The following SETX variants were observed in gnomAD, a reference collection of about 807,000 sequenced individuals.
SETX encodes helicase senataxin.
In SETX, 90 loss-of-function variants were observed where a neutral mutation model predicts 227.2. The observed-to-expected ratio is 0.40, with a 90% CI of 0.33 to 0.47. The LOEUF is 0.47. SETX is among the 20% of genes least tolerant of loss of function. SETX has a pLI of 0.91. For missense variants in SETX, 3,052 were observed against 3,181.5 expected, an observed-to-expected ratio of 0.96 and a Z score of 0.98; for synonymous variants, 1,210 against 1,113.2, an observed-to-expected ratio of 1.09 and a Z score of -1.73.
At chr9:132,330,571 A>G in intron 9 of SETX, 72 bp from the exon 10 acceptor site, 1 of 1,310,102 alleles carries the variant, frequency 7.6e-7, no homozygotes, top group Non-Finnish European at 1.1e-6. Context: ...CCAAGTCGTT[A>G]AGAAAAATAC....
At position 132,327,826 on chromosome 9, in the gene SETX, T is replaced by C. The variant is rs563309531; in HGVS notation, c.3772A>G (p.Asn1258Asp). 8.1e-6 allele frequency: 13 copies of C among 1,614,072 alleles called. No homozygotes were observed. In the South Asian group the frequency reaches 1.2e-4, roughly 15 times the overall value. ...GGAGTTGTTCTACAACTTAGGTAATTTGAACTTCTATTCTGTCCTTTTTTG... is the reference window on the plus strand; with the variant it reads ...GGAGTTGTTCTACAACTTAGGTAATCTGAACTTCTATTCTGTCCTTTTTTG... The part of the protein sequence containing the change: ...DAKKGQNRSS[N>D]YLSCRTTPAI... Residue 1258 changes from asparagine to aspartate, a missense_variant, in exon 10 of 26, where the codon AAT becomes GAT. Around this residue, in one of 10 missense-constraint regions of SETX, gnomAD observed 1,483 missense variants for 1,312.0 expected, o/e 1.13. Transcript: ENST00000224140.
At chr9:132,284,948 C>T (rs1369395624) in intron 18 of SETX, among the ~76,000 whole-genome samples, 1 of 151,858 alleles carries the variant, frequency 6.6e-6, no homozygotes, top group African/African-American at 2.4e-5. Context: ...GCGCGATCTC[C>T]ACTCACTGCA....
In SETX at chr9:132,329,382, C is replaced by A. The variant is rs36024203; in HGVS notation, c.2216G>T (p.Gly739Val). ...RNGPERGCDR[G>V]IIVSTRLLTD... ...CAACAAACGTGTTGATACTATTATT[C>A]CTCTGTCACATCCCCTTTCTGGACC... Residue 739 changes from glycine (G) to valine (V), a missense_variant, in exon 10 of 26, where the codon GGA becomes GTA. Gly to Val is a moderately radical substitution (Grantham distance 109). Coordinates refer to ENST00000224140, the MANE Select transcript of SETX (RefSeq NM_015046.7). The A allele has an allele frequency of 3.7e-6, 6 of 1,613,774 alleles. No individual in the cohort carries two copies. The African/African-American group carries it at 8.0e-5, about 22-fold the overall frequency.
chr9:132,298,368 G>GT, intron 12 of SETX, 56 bp from the exon 13 acceptor site: 1 of 1,343,228 alleles, frequency 7.4e-7, no homozygotes, highest in East Asian at 2.3e-5. Flanking sequence ...ATGCTGCCTA[G>GT]TTGTAAAGGT....
At chr9:132,269,500 T>C (rs1027857132) in intron 25 of SETX, 115 bp downstream of exon 25, 7 of 1,600,132 alleles carry the variant, frequency 4.4e-6, no homozygotes, top group Non-Finnish European at 5.1e-6. Context: ...CTGGAAAACA[T>C]AACAACCATT....
chr9:132,339,345 G>A (rs112536599), intron 5 of SETX, among the ~76,000 whole-genome samples: 2,266 of 152,142 alleles, frequency 0.015, 27 homozygotes, highest in Non-Finnish European at 0.025. Context: ...CATGGTGACC[G>A]AGGAAGGAGA....
chr9:132,281,379 A>C (rs1430184941), intron 20 of SETX, 88 bp downstream of exon 20: 1 of 867,862 alleles, frequency 1.2e-6, no homozygotes, highest in Non-Finnish European at 2.0e-6. Flanking sequence ...TTAAGAGGCC[A>C]ATCCAAGAAA....
intron 17 of SETX, among the ~76,000 whole-genome samples, chr9:132,287,690 A>C (rs1843995375): frequency 6.6e-6 from 1 of 152,126 alleles, no homozygotes; most frequent in African/African-American, 2.4e-5. Context: ...CTTTACAAAA[A>C]AGTTTTTAAA....
At chr9:132,275,857 T>C (rs552869725) in intron 22 of SETX, among the ~76,000 whole-genome samples, 2 of 152,302 alleles carry the variant, frequency 1.3e-5, no homozygotes, top group Admixed American at 1.3e-4. Flanking sequence ...TGATCTTCCT[T>C]GTCCCTCACC....
Position 132,336,396 on chromosome 9 carries a change from C to G in SETX, c.618G>C (p.Glu206Asp). 6.2e-7 allele frequency: 1 copy of G among 1,614,052 alleles called. No homozygotes were observed. Among genetic ancestry groups the G allele is most frequent in the Non-Finnish European group, 8.5e-7 (1 of 1,179,940 alleles). ...CAGAAGAAGTATAAATGTCTGGACTCTCTAAAAGCCCCAACTCAATGACTT... is the reference window on the plus strand; with the variant it reads ...CAGAAGAAGTATAAATGTCTGGACTGTCTAAAAGCCCCAACTCAATGACTT... ...LFKVIELGLL[E>D]SPDIYTSSVL... The change falls in exon 6 of 26, where the codon GAG (glutamate) becomes GAC (aspartate). Residue 206 changes from glutamate (E) to aspartate (D), a missense_variant. Physicochemically the swap from Glu to Asp is conservative, Grantham distance 45. Coordinates refer to ENST00000224140, the MANE Select transcript of SETX (RefSeq NM_015046.7).
rs770602268 is a variant in SETX, at chr9:132,327,836, A to G, written c.3762T>C (p.Asn1254=). ...KTHSDAKKGQ[N]RSSNYLSCRT... ...TACAACTTAGGTAATTTGAACTTCT[A>G]TTCTGTCCTTTTTTGGCATCTGAAT... Residue 1254 remains asparagine, a synonymous_variant, in exon 10 of 26, where the codon AAT becomes AAC. Coordinates refer to ENST00000224140, the MANE Select transcript of SETX (RefSeq NM_015046.7). 1.2e-6 allele frequency: 2 copies of G among 1,614,008 alleles called. No individual in the cohort carries two copies. Among genetic ancestry groups the G allele is most frequent in the Admixed American group, 1.7e-5 (1 of 60,000 alleles).
chr9:132,351,226 T>C (rs1389559645), intron 2 of SETX, among the ~76,000 whole-genome samples: 3 of 152,182 alleles, frequency 2.0e-5, no homozygotes, highest in Non-Finnish European at 2.9e-5. Flanking sequence ...TGAAACTTCA[T>C]GGAGGTTTCT....
At chr9:132,270,927 A>G (rs1375226589) in intron 24 of SETX, among the ~76,000 whole-genome samples, 2 of 152,252 alleles carry the variant, frequency 1.3e-5, no homozygotes, top group Non-Finnish European at 2.9e-5. Flanking sequence ...TATGCAGCCC[A>G]TCCCAGGGAG....
At chr9:132,334,342 G>A (rs1847456057) in intron 7 of SETX, among the ~76,000 whole-genome samples, 1 of 152,146 alleles carries the variant, frequency 6.6e-6, no homozygotes, top group Admixed American at 6.5e-5. Flanking sequence ...CAGCTACTTG[G>A]GAGGCTGAGA....
rs771954896 is a variant in SETX, at chr9:132,329,303, G to T, written c.2295C>A (p.Phe765Leu). 17 of 1,613,810 alleles carry T rather than the reference G, an allele frequency of 1.1e-5. No individual in the cohort carries two copies. The highest frequency in any genetic ancestry group is 1.4e-5 in the Non-Finnish European group (17 of 1,179,878). ...TAGCAAGAGCATCATCCTTTAAAGA[G>T]AAATCTTCATTCGATGTGGACACTT... Reference protein sequence around the residue: ...LEKVSTSNEDFSLKDDALAKT... With the variant: ...LEKVSTSNEDLSLKDDALAKT... The change falls in exon 10 of 26, where the codon TTC becomes TTA. Residue 765 changes from phenylalanine (F) to leucine (L), a missense_variant. Around this residue, in one of 10 missense-constraint regions of SETX, gnomAD observed 1,483 missense variants for 1,312.0 expected, o/e 1.13. Transcript: ENST00000224140.
At chr9:132,292,992 T>C (rs889998251) in intron 15 of SETX, among the ~76,000 whole-genome samples, 2 of 152,172 alleles carry the variant, frequency 1.3e-5, no homozygotes, top group South Asian at 2.1e-4. Flanking sequence ...ACAAATACAG[T>C]GTAACAAAAA....
chr9:132,305,353 C>CAAAAAA (rs144880539), intron 11 of SETX, among the ~76,000 whole-genome samples: 3 of 70,098 alleles, frequency 4.3e-5, no homozygotes, highest in African/African-American at 1.6e-4. Context: ...GACTCCGTCT[C>CAAAAAA]AAAAAAAAAA....
At chr9:132,347,455 G>C (rs13297902) in intron 3 of SETX, among the ~76,000 whole-genome samples, 1 of 151,590 alleles carries the variant, frequency 6.6e-6, no homozygotes, top group Non-Finnish European at 1.5e-5. Flanking sequence ...TGGGATTACA[G>C]GCGCCCACCA....
At chr9:132,294,902 T>C (rs1055803002) in intron 15 of SETX, among the ~76,000 whole-genome samples, 2 of 152,198 alleles carry the variant, frequency 1.3e-5, no homozygotes, top group African/African-American at 4.8e-5. Flanking sequence ...GGTTTTTGAT[T>C]TTTAAAAAAA....
Sources: allele counts gnomAD v4.1 joint callset (sites outside exome capture counted in the v4.1 genomes callset), GRCh38; gene constraint gnomAD v4.1.1; regional missense constraint gnomAD v4.1.1; transcripts MANE v1.5; gene names NCBI Gene and HGNC (gene_info 2026-07-23, HGNC 2026-07-21).